The following STEAP1B variants were observed in gnomAD, a reference collection of about 807,000 sequenced individuals.
STEAP1B encodes STEAP family member 1B, also known as STEAP family protein MGC87042.
Under a neutral mutation model 27.9 loss-of-function variants are expected in STEAP1B, and 13 were observed. The ratio of observed to expected loss-of-function variants is 0.47; its 90% CI spans 0.30 to 0.74. The LOEUF is 0.74. STEAP1B is among the 30% of genes least tolerant of loss of function. STEAP1B has a pLI of 0.06. For missense variants in STEAP1B, 250 were observed against 298.7 expected (o/e 0.84, Z 1.20); for synonymous variants, 86 against 107.1 (o/e 0.80, Z 1.22).
chr7:22,483,630 T>A (rs1425122195), intron 4 of STEAP1B, among the ~76,000 whole-genome samples: 1 of 152,224 alleles, frequency 6.6e-6, no homozygotes, highest in Non-Finnish European at 1.5e-5. Context: ...ATTATCATTA[T>A]TGTATCTGTG....
intron 4 of STEAP1B, among the ~76,000 whole-genome samples, chr7:22,456,972 A>ATATATATATATATATATATTT: frequency 1.8e-4 from 10 of 57,070 alleles, no homozygotes; most frequent in African/African-American, 7.0e-4. Context: ...ATATATATAT[A>ATATATATATATATATATATTT]TTTTTTTTTT....
chr7:22,481,448 G>A (rs1381435528), intron 4 of STEAP1B, among the ~76,000 whole-genome samples: 1 of 152,154 alleles, frequency 6.6e-6, no homozygotes, highest in Non-Finnish European at 1.5e-5. Context: ...TGTAAGGGAA[G>A]CCTGGAGGCT....
At chr7:22,500,035 AGCGGGC>A (rs2128420288) in intron 1 of STEAP1B, 73 bp downstream of exon 1, 1 of 152,686 alleles carries the variant, frequency 6.5e-6, no homozygotes, top group South Asian at 2.1e-4. Flanking sequence ...CAAGACTGGG[AGCGGGC>A]GCCCAGCCTT....
chr7:22,494,248 T>C (rs1426400063), intron 2 of STEAP1B, among the ~76,000 whole-genome samples: 3 of 151,140 alleles, frequency 2.0e-5, no homozygotes, highest in Non-Finnish European at 2.9e-5. Context: ...TCAAAAAATG[T>C]AGTAAGAAAC....
chr7:22,474,625 C>T (rs375851172), intron 4 of STEAP1B, among the ~76,000 whole-genome samples: 6 of 152,170 alleles, frequency 3.9e-5, no homozygotes, highest in African/African-American at 1.4e-4. Flanking sequence ...AAACTGTCAT[C>T]GTATACAGGG....
chr7:22,425,160 T>C (rs575365515), intron 4 of STEAP1B, among the ~76,000 whole-genome samples: 1 of 152,326 alleles, frequency 6.6e-6, no homozygotes, highest in East Asian at 1.9e-4. Context: ...ATCATAACCT[T>C]ACCTATCAAA....
At chr7:22,479,678 G>GTTTTTTTTTT (rs1416625219) in intron 4 of STEAP1B, among the ~76,000 whole-genome samples, 6 of 89,220 alleles carry the variant, frequency 6.7e-5, no homozygotes, top group African/African-American at 3.2e-4. Context: ...GTCATGTGTG[G>GTTTTTTTTTT]CTTTTTTTTT....
At chr7:22,457,493 A>T (rs1055390271) in intron 4 of STEAP1B, among the ~76,000 whole-genome samples, 4 of 152,252 alleles carry the variant, frequency 2.6e-5, no homozygotes, top group Non-Finnish European at 5.9e-5. Flanking sequence ...CAAGGCTAGG[A>T]GAGCAGCTGC....
intron 4 of STEAP1B, among the ~76,000 whole-genome samples, chr7:22,482,716 G>A (rs1194325535): frequency 1.3e-5 from 2 of 152,234 alleles, no homozygotes; most frequent in Non-Finnish European, 2.9e-5. Flanking sequence ...GAGAATGAGA[G>A]CAGCTGGAAG....
At chr7:22,439,367 G>A (rs2128401585) in intron 4 of STEAP1B, among the ~76,000 whole-genome samples, 1 of 152,264 alleles carries the variant, frequency 6.6e-6, no homozygotes, top group South Asian at 2.1e-4. Context: ...CTGCCACATA[G>A]CTGTATGAAG....
intron 4 of STEAP1B, among the ~76,000 whole-genome samples, chr7:22,450,043 C>T (rs938138257): frequency 6.6e-6 from 1 of 152,072 alleles, no homozygotes; most frequent in Admixed American, 6.5e-5. Flanking sequence ...GATATTAACC[C>T]CTTGTCAGAT....
At chr7:22,433,289 C>T (rs1278218012) in intron 4 of STEAP1B, among the ~76,000 whole-genome samples, 1 of 149,588 alleles carries the variant, frequency 6.7e-6, no homozygotes, top group Non-Finnish European at 1.5e-5. Flanking sequence ...CAAGCCCTTC[C>T]ACCCCCTCCA....
At chr7:22,452,414 G>A (rs1008793397) in intron 4 of STEAP1B, among the ~76,000 whole-genome samples, 2 of 151,864 alleles carry the variant, frequency 1.3e-5, no homozygotes, top group African/African-American at 4.8e-5. Flanking sequence ...TCTATTGGCA[G>A]ACAATCCCCC....
chr7:22,467,617 T>G (rs1785807578), intron 4 of STEAP1B, among the ~76,000 whole-genome samples: 1 of 152,210 alleles, frequency 6.6e-6, no homozygotes. Flanking sequence ...GAGTTAAGTC[T>G]CTCAAGATCT....
chr7:22,486,878 G>A (rs1786218946), intron 4 of STEAP1B, among the ~76,000 whole-genome samples: 2 of 152,036 alleles, frequency 1.3e-5, no homozygotes, highest in Non-Finnish European at 2.9e-5. Context: ...CCACACTCTC[G>A]GACTCCTGGC....
rs1280576057 is a variant in STEAP1B at position 22,493,490 on chromosome 7, C to G, written c.431G>C (p.Gly144Ala). Reference protein sequence around the residue: ...VIAAIVQVHNGTKYKKFPHWL... With the variant: ...VIAAIVQVHNATKYKKFPHWL... ...ATGTGGAAACTTCTTATACTTGGTT[C>G]CATTATGAACTTGGACAATTGCTGC... Residue 144 changes from glycine to alanine, a missense_variant, in exon 3 of 5, where the codon GGA becomes GCA. By Grantham distance (60) the Gly-to-Ala change is moderately conservative. Coordinates refer to ENST00000678116, the MANE Select transcript of STEAP1B (RefSeq NM_001382447.1). 4 of 1,613,612 alleles carry G rather than the reference C, an allele frequency of 2.5e-6. No individual in the cohort carries two copies. Among genetic ancestry groups the G allele is most frequent in the Non-Finnish European group, 3.4e-6 (4 of 1,179,660 alleles).
At chr7:22,437,013 A>C (rs968113698) in intron 4 of STEAP1B, among the ~76,000 whole-genome samples, 1 of 152,244 alleles carries the variant, frequency 6.6e-6, no homozygotes, top group African/African-American at 2.4e-5. Flanking sequence ...AATGGGATCT[A>C]ATTAAACAGC....
intron 4 of STEAP1B, among the ~76,000 whole-genome samples, chr7:22,437,301 G>C (rs1785267752): frequency 6.6e-6 from 1 of 152,088 alleles, no homozygotes; most frequent in South Asian, 2.1e-4. Context: ...TCTATTCTCT[G>C]TTTCTATGAG....
At chr7:22,448,896 C>T (rs980615053) in intron 4 of STEAP1B, among the ~76,000 whole-genome samples, 5 of 152,060 alleles carry the variant, frequency 3.3e-5, no homozygotes, top group Non-Finnish European at 5.9e-5. Flanking sequence ...ATGGGACACA[C>T]GAACAAGCAA....
Sources: gnomAD v4.1 joint callset for allele counts (sites outside exome capture counted in the v4.1 genomes callset) on GRCh38, gnomAD v4.1.1 for gene constraint, MANE v1.5 for transcripts, NCBI Gene and HGNC (gene_info 2026-07-23, HGNC 2026-07-21) for gene names.